The following ITGAM variants were observed in gnomAD, a reference collection of about 807,000 sequenced individuals.
The protein encoded by ITGAM is integrin subunit alpha M.
In ITGAM, 79 loss-of-function variants were observed where a neutral mutation model predicts 137.5. The observed-to-expected ratio is 0.57, with a 90% CI of 0.48 to 0.69. ITGAM has a LOEUF of 0.69. Ranked by LOEUF, ITGAM falls within the 30% of genes least tolerant of loss-of-function variation. The pLI, the probability that ITGAM is intolerant of heterozygous loss-of-function variation, is 0.00. For synonymous variants in ITGAM, 583 were observed against 592.3 expected, an observed-to-expected ratio of 0.98 and a Z score of 0.23; for missense variants, 1,343 against 1,483.5, an observed-to-expected ratio of 0.91 and a Z score of 1.56.
In ITGAM at chr16:31,330,689, AAGAG is replaced by A; in HGVS notation, c.3276+89_3276+92del. ...TTCTGGGGGAGGAGAGAGAGACACAAAGAGAGAGGGAGAGAGAGAGACAGAGCGA... is the reference window on the plus strand; with the variant it reads ...TTCTGGGGGAGGAGAGAGAGACACAAAGAGGGAGAGAGAGAGACAGAGCGA... On this transcript the variant is annotated intron_variant, in intron 28 of 29. Coordinates refer to ENST00000544665, the MANE Select transcript of ITGAM (RefSeq NM_000632.4). 3 of 945,126 alleles carry A rather than the reference AAGAG, an allele frequency of 3.2e-6. No individual in the cohort carries two copies. In the South Asian group the frequency reaches 4.9e-5, roughly 15 times the overall value. The allele number at this position is 945,126 out of a possible 1,614,324, so 58.5% of individuals were successfully genotyped here.
At chr16:31,329,148 C>G (rs770449650) in intron 23 of ITGAM, 80 bp from the exon 24 acceptor site, 337 of 768,096 alleles carry the variant, frequency 4.4e-4, no homozygotes, top group Non-Finnish European at 6.6e-4. Flanking sequence ...CCTGTTCGCT[C>G]CTTACACACT....
chr16:31,331,591 G>GC (rs751699415), intron 29 of ITGAM, 45 bp from the exon 30 acceptor site: 6 of 771,418 alleles, frequency 7.8e-6, no homozygotes, highest in Non-Finnish European at 1.2e-5. Flanking sequence ...GGAGCCGCAC[G>GC]CTCCCTGGCT....
intron 21 of ITGAM, among the ~76,000 whole-genome samples, chr16:31,326,570 C>T (rs2080510391): frequency 6.6e-6 from 1 of 152,114 alleles, no homozygotes; most frequent in Admixed American, 6.6e-5. Flanking sequence ...GCGCCCGCCA[C>T]CACACCCAGC....
intron 14 of ITGAM, among the ~76,000 whole-genome samples, chr16:31,298,715 G>A (rs1309383479): frequency 6.6e-6 from 1 of 152,214 alleles, no homozygotes; most frequent in Non-Finnish European, 1.5e-5. Flanking sequence ...GTGGAATTGT[G>A]CAGTCACACG....
intron 14 of ITGAM, among the ~76,000 whole-genome samples, chr16:31,304,945 CT>C (rs942256051): frequency 2.7e-5 from 4 of 150,752 alleles, no homozygotes; most frequent in Non-Finnish European, 4.4e-5. Flanking sequence ...TATTTGGGCT[CT>C]TTTTTTTTGT....
rs1166854251 is a variant in ITGAM at position 31,319,452 on chromosome 16, A to G, written c.1708-1789A>G. 9.2e-5 allele frequency among the ~76,000 whole-genome samples: 14 copies of G among 152,052 alleles called. No homozygotes were observed. In the East Asian group the frequency reaches 2.7e-3, roughly 29 times the overall value. On this transcript the variant is annotated intron_variant, in intron 14 of 29. Coordinates refer to ENST00000544665, the MANE Select transcript of ITGAM (RefSeq NM_000632.4). ...ATATCATTATTTGTTTTTTGACTTAAAGTCTATTTTGTCTGATATTAGCAT... is the reference window on the plus strand; with the variant it reads ...ATATCATTATTTGTTTTTTGACTTAGAGTCTATTTTGTCTGATATTAGCAT...
chr16:31,323,681 T>G (rs187555252), intron 16 of ITGAM, among the ~76,000 whole-genome samples: 128 of 152,324 alleles, frequency 8.4e-4, no homozygotes, highest in African/African-American at 2.9e-3. Flanking sequence ...AAGCACTATT[T>G]CATTTCCTTT....
Position 31,272,068 on chromosome 16 carries a change from C to T in ITGAM, c.704+76C>T, listed in dbSNP as rs1011861976. Reference sequence around the variant, plus strand: ...CTGGGCTTTGATGGATGAAGGGAGCCGTTCAGACAGGGGTGGTAGAGGATG... The same window carrying T: ...CTGGGCTTTGATGGATGAAGGGAGCTGTTCAGACAGGGGTGGTAGAGGATG... On this transcript the variant is annotated intron_variant, in intron 7 of 29. Coordinates refer to ENST00000544665, the MANE Select transcript of ITGAM (RefSeq NM_000632.4). 3.4e-5 allele frequency: 54 copies of T among 1,567,596 alleles called. 1 individual carries two copies. Among genetic ancestry groups the T allele is most frequent in the South Asian group, 3.3e-4 (29 of 89,220 alleles).
intron 19 of ITGAM, 26 bp from the exon 20 acceptor site, chr16:31,325,237 C>T: frequency 6.3e-7 from 1 of 1,597,038 alleles, no homozygotes; most frequent in South Asian, 1.1e-5. Context: ...CGCCCCATCC[C>T]CCGGCCTGTC....
intron 12 of ITGAM, among the ~76,000 whole-genome samples, chr16:31,289,487 C>G (rs976430691): frequency 6.6e-6 from 1 of 152,108 alleles, no homozygotes; most frequent in African/African-American, 2.4e-5. Flanking sequence ...CCATCATTCT[C>G]AGCAAACTAT....
intron 14 of ITGAM, among the ~76,000 whole-genome samples, chr16:31,302,451 CTT>C (rs2080212311): frequency 3.6e-5 from 3 of 83,016 alleles, no homozygotes; most frequent in African/African-American, 2.4e-4. Context: ...TTCTTTCTTT[CTT>C]CCTTCCTTTC....
In ITGAM at chr16:31,272,428, T is replaced by C. The variant is rs1417641719; in HGVS notation, c.704+436T>C. Among the ~76,000 whole-genome samples the C allele has an allele frequency of 1.3e-3, 7 of 5,318 alleles. No individual in the cohort carries two copies. The East Asian group carries it at 0.014, about 11-fold the overall frequency. The allele number at this position is 5,318 out of a possible 152,430, so 3.5% of individuals were successfully genotyped here. On this transcript the variant is annotated intron_variant, in intron 7 of 29. Coordinates refer to ENST00000544665, the MANE Select transcript of ITGAM (RefSeq NM_000632.4). ...GTTTCCTGAAGGCCAATTAACTATA[T>C]ATATATATATATATATATATATATA...
At chr16:31,266,356 C>G (rs1043425490) in intron 5 of ITGAM, among the ~76,000 whole-genome samples, 1 of 150,726 alleles carries the variant, frequency 6.6e-6, no homozygotes, top group Non-Finnish European at 1.5e-5. Context: ...CCTGCAATCC[C>G]AAAGCTTTGG....
intron 12 of ITGAM, among the ~76,000 whole-genome samples, chr16:31,295,210 G>C (rs966543531): frequency 1.3e-5 from 2 of 151,852 alleles, no homozygotes; most frequent in African/African-American, 4.8e-5. Flanking sequence ...GCTATTTAGG[G>C]TCTTCTGTGG....
chr16:31,283,066 T>C (rs990496334), intron 12 of ITGAM, among the ~76,000 whole-genome samples: 7 of 152,242 alleles, frequency 4.6e-5, no homozygotes, highest in Non-Finnish European at 8.8e-5. Flanking sequence ...TTCTGGCTTG[T>C]AGGGTTTCTG....
At chr16:31,318,007 G>A (rs761135801) in intron 14 of ITGAM, among the ~76,000 whole-genome samples, 2 of 152,104 alleles carry the variant, frequency 1.3e-5, no homozygotes, top group African/African-American at 4.8e-5. Flanking sequence ...TTATTTAAAT[G>A]TTTGGTTGGT....
chr16:31,307,464 G>C (rs1311782162), intron 14 of ITGAM, among the ~76,000 whole-genome samples: 1 of 152,052 alleles, frequency 6.6e-6, no homozygotes, highest in Non-Finnish European at 1.5e-5. Flanking sequence ...TTACTGGTGT[G>C]TAAGAATGCT....
In ITGAM at chr16:31,321,593, T is replaced by C. The variant is rs371102326; in HGVS notation, c.1968T>C (p.His656=). Residue 656 remains histidine (H), a synonymous_variant, in exon 16 of 30, where the codon CAT becomes CAC. Transcript: ENST00000544665. ...KEAGEVRVCL[H]VQKSTRDRLR... The stretch of plus-strand genomic sequence containing the variant: ...CCGGAGAGGTCAGAGTCTGCCTCCA[T>C]GTCCAGAAGAGCACACGGGATCGGC... The C allele has an allele frequency of 6.2e-7, 1 of 1,613,828 alleles. No individual in the cohort carries two copies. The highest frequency in any genetic ancestry group is 1.3e-5 in the African/African-American group (1 of 74,924).
chr16:31,292,349 G>A (rs1438809746), intron 12 of ITGAM, among the ~76,000 whole-genome samples: 19 of 151,420 alleles, frequency 1.3e-4, no homozygotes. Context: ...GTTGTACAGA[G>A]TATTTTGTCA....
Sources: allele counts gnomAD v4.1 joint callset (sites outside exome capture counted in the v4.1 genomes callset), GRCh38; gene constraint gnomAD v4.1.1; transcripts MANE v1.5; gene names NCBI Gene and HGNC (gene_info 2026-07-23, HGNC 2026-07-21).